The following DPT variants were observed in gnomAD, a reference collection of about 807,000 sequenced individuals.
DPT encodes tyrosine-rich acidic matrix protein.
DPT carries 21 observed loss-of-function variants against 31.2 expected under a neutral mutation model. The ratio of observed to expected loss-of-function variants is 0.67; its 90% CI spans 0.48 to 0.97. The LOEUF (loss-of-function observed/expected upper bound fraction) is 0.97, where lower values mean the gene tolerates loss of function less well. DPT is among the 50% of genes least tolerant of loss of function. The pLI, the probability that DPT is intolerant of heterozygous loss-of-function variation, is 0.00. For synonymous variants in DPT, 91 were observed against 86.9 expected (o/e 1.05, Z -0.26); for missense variants, 262 against 258.8 (o/e 1.01, Z -0.08).
chr1:168,714,127 T>C (rs1456139040), intron 2 of DPT, 94 bp downstream of exon 2: 34 of 1,539,540 alleles, frequency 2.2e-5, no homozygotes, highest in Non-Finnish European at 2.9e-5. Flanking sequence ...TCCAGGCTTG[T>C]GTGTGACCCT....
intron 2 of DPT, among the ~76,000 whole-genome samples, chr1:168,704,690 A>T (rs1208808322): frequency 6.6e-6 from 1 of 152,256 alleles, no homozygotes; most frequent in Non-Finnish European, 1.5e-5. Flanking sequence ...AAGATGAAAG[A>T]CAGAGAGTTG....
chr1:168,716,860 C>T (rs896757101), intron 1 of DPT, among the ~76,000 whole-genome samples: 1 of 152,202 alleles, frequency 6.6e-6, no homozygotes, highest in Non-Finnish European at 1.5e-5. Flanking sequence ...TAGCTTCATC[C>T]ATGTCCCTGC....
At chr1:168,716,839 A>T (rs1427735826) in intron 1 of DPT, among the ~76,000 whole-genome samples, 1 of 152,204 alleles carries the variant, frequency 6.6e-6, no homozygotes, top group Non-Finnish European at 1.5e-5. Flanking sequence ...TTTGCTGAGG[A>T]TGATGGCTTC....
intron 1 of DPT, among the ~76,000 whole-genome samples, chr1:168,722,944 A>G (rs2101912192): frequency 6.6e-6 from 1 of 152,334 alleles, no homozygotes; most frequent in South Asian, 2.1e-4. Context: ...GCAGGTTCCC[A>G]GACAGAAGCA....
intron 3 of DPT, 46 bp downstream of exon 3, chr1:168,700,971 C>T (rs1469365783): frequency 1.5e-6 from 2 of 1,377,902 alleles, no homozygotes; most frequent in South Asian, 1.2e-5. Context: ...GAGTTAGTCC[C>T]AACTCCTTTA....
chr1:168,722,517 C>A (rs1202576875), intron 1 of DPT, among the ~76,000 whole-genome samples: 1 of 152,076 alleles, frequency 6.6e-6, no homozygotes, highest in Non-Finnish European at 1.5e-5. Context: ...TAGCACTATG[C>A]GTGCATTAAT....
chr1:168,714,219 A>G lies in DPT; in HGVS notation c.431+2T>C. ...GAGGGTTTGGTCGGCTGCCAGACTCACCAGCAGGAATATGGGCACCTCTTG... is the reference window on the plus strand; with the variant it reads ...GAGGGTTTGGTCGGCTGCCAGACTCGCCAGCAGGAATATGGGCACCTCTTG... On this transcript the variant is annotated splice_donor_variant, in intron 2 of 3. Transcript: ENST00000367817. LOFTEE classifies it high-confidence loss of function. The G allele has an allele frequency of 6.2e-7, 1 of 1,613,980 alleles. No individual in the cohort carries two copies. Among genetic ancestry groups the G allele is most frequent in the Non-Finnish European group, 8.5e-7 (1 of 1,179,966 alleles).
chr1:168,706,862 A>C (rs964333620), intron 2 of DPT, among the ~76,000 whole-genome samples: 4 of 152,188 alleles, frequency 2.6e-5, no homozygotes, highest in African/African-American at 9.6e-5. Context: ...CAGTAAGCAC[A>C]TTCACTTTGA....
chr1:168,697,847 T>A (rs922895092), intron 3 of DPT, among the ~76,000 whole-genome samples: 2 of 152,188 alleles, frequency 1.3e-5, no homozygotes, highest in African/African-American at 4.8e-5. Flanking sequence ...ATTCGCAGTT[T>A]ATTGTACTCA....
rs192472508 is a variant in DPT, at chr1:168,717,658, T to G, written c.306-3312A>C. ...TGCCTGTGTCCTGAATGGTGTTGTC[T>G]AGGTTTTCTTCTGGGGTTTTTATGG... is the stretch of plus-strand genomic sequence containing the variant. On this transcript the variant is annotated intron_variant, in intron 1 of 3. Transcript: ENST00000367817. Among the ~76,000 whole-genome samples, 332 of 152,342 alleles carry G rather than the reference T, an allele frequency of 2.2e-3. 10 individuals are homozygous for G. The highest frequency in any genetic ancestry group is 0.015 in the Admixed American group (224 of 15,300).
chr1:168,711,630 G>A (rs1291263828), intron 2 of DPT, among the ~76,000 whole-genome samples: 2 of 152,218 alleles, frequency 1.3e-5, no homozygotes, highest in African/African-American at 4.8e-5. Flanking sequence ...CCGCTCTCAA[G>A]TTCTGCTTCC....
chr1:168,715,838 G>T (rs1649975197), intron 1 of DPT, among the ~76,000 whole-genome samples: 1 of 152,218 alleles, frequency 6.6e-6, no homozygotes, highest in Middle Eastern at 3.4e-3. Flanking sequence ...CTCCTTCTTT[G>T]CATTTCCCAC....
In DPT at chr1:168,728,947, G is replaced by T. The variant is rs774126722; in HGVS notation, c.228C>A (p.Ala76=). Reference sequence around the variant, plus strand: ...CGAGGCTCTGTGGCGTGGGCATGCAGGCGTAGTTCCATTGTCTGTCAGAAC... The same window carrying T: ...CGAGGCTCTGTGGCGTGGGCATGCATGCGTAGTTCCATTGTCTGTCAGAAC... ...KEGSDRQWNY[A]CMPTPQSLGE... Residue 76 remains alanine, a synonymous_variant, in exon 1 of 4, where the codon GCC becomes GCA. Coordinates refer to ENST00000367817, the MANE Select transcript of DPT (RefSeq NM_001937.5). 9 of 1,614,236 alleles carry T rather than the reference G, an allele frequency of 5.6e-6. No individual in the cohort carries two copies. Among genetic ancestry groups the T allele is most frequent in the Non-Finnish European group, 6.8e-6 (8 of 1,180,046 alleles).
chr1:168,719,613 G>A (rs1650055606), intron 1 of DPT, among the ~76,000 whole-genome samples: 1 of 151,912 alleles, frequency 6.6e-6, no homozygotes, highest in East Asian at 1.9e-4. Context: ...CTACTTGGAG[G>A]GAGTTTCAGG....
intron 3 of DPT, among the ~76,000 whole-genome samples, chr1:168,700,643 T>C (rs1167212510): frequency 6.6e-6 from 1 of 152,114 alleles, no homozygotes; most frequent in Admixed American, 6.6e-5. Context: ...GGGAAAAGCT[T>C]AGACCATCAA....
chr1:168,713,611 G>C (rs1006398686), intron 2 of DPT, among the ~76,000 whole-genome samples: 1 of 152,196 alleles, frequency 6.6e-6, no homozygotes, highest in African/African-American at 2.4e-5. Flanking sequence ...CATTCTCCTA[G>C]TCAATTGGAA....
At chr1:168,706,628 A>AT (rs1429353796) in intron 2 of DPT, among the ~76,000 whole-genome samples, 1 of 152,166 alleles carries the variant, frequency 6.6e-6, no homozygotes, top group Non-Finnish European at 1.5e-5. Flanking sequence ...ATCTGAACCC[A>AT]GGGGCTCTGA....
chr1:168,706,310 G>A (rs1302800680), intron 2 of DPT, among the ~76,000 whole-genome samples: 3 of 152,174 alleles, frequency 2.0e-5, no homozygotes, highest in Non-Finnish European at 4.4e-5. Context: ...CTTTCTGACA[G>A]TCAAATCATT....
In DPT at chr1:168,725,917, G is replaced by C. The variant is rs555111693; in HGVS notation, c.305+2953C>G. ...CATCAACAACTGTTCCCTGAGAACAGACTAAGCCTGTAGCCAACGTCAGAT... is the reference window on the plus strand; with the variant it reads ...CATCAACAACTGTTCCCTGAGAACACACTAAGCCTGTAGCCAACGTCAGAT... On this transcript the variant is annotated intron_variant, in intron 1 of 3. Coordinates refer to ENST00000367817, the MANE Select transcript of DPT (RefSeq NM_001937.5). 2.6e-5 allele frequency among the ~76,000 whole-genome samples: 4 copies of C among 152,322 alleles called. No homozygotes were observed. The South Asian group carries it at 8.3e-4, about 32-fold the overall frequency.
Sources: gnomAD v4.1 joint callset for allele counts (sites outside exome capture counted in the v4.1 genomes callset) on GRCh38, gnomAD v4.1.1 for gene constraint, MANE v1.5 for transcripts, NCBI Gene and HGNC (gene_info 2026-07-23, HGNC 2026-07-21) for gene names.